TTC28: variants seen among roughly 807,000 people sequenced by gnomAD.
The protein encoded by TTC28 is tetratricopeptide repeat protein 28.
Under a neutral mutation model 198.0 loss-of-function variants are expected in TTC28, and 61 were observed. The observed-to-expected ratio is 0.31, with a 90% CI of 0.25 to 0.38. The LOEUF is 0.38. Ranked by LOEUF, TTC28 falls within the 10% of genes least tolerant of loss-of-function variation. The pLI, the probability that TTC28 is intolerant of heterozygous loss-of-function variation, is 1.00. For missense variants in TTC28, 2,678 were observed against 3,164.0 expected (o/e 0.85, Z 3.69); for synonymous variants, 1,171 against 1,297.8 (o/e 0.90, Z 2.10).
intron 2 of TTC28, among the ~76,000 whole-genome samples, chr22:28,362,157 T>C (rs1360407160): frequency 6.6e-6 from 1 of 152,194 alleles, no homozygotes; most frequent in African/African-American, 2.4e-5. Context: ...AAATCTCATC[T>C]TCAATTCTCA....
intron 1 of TTC28, among the ~76,000 whole-genome samples, chr22:28,644,667 A>T (rs1445727174): frequency 6.6e-6 from 1 of 151,852 alleles, no homozygotes; most frequent in Non-Finnish European, 1.5e-5. Context: ...TCTACTAAAA[A>T]TACAAAAATT....
chr22:28,390,850 G>A (rs1264598419), intron 2 of TTC28, among the ~76,000 whole-genome samples: 1 of 152,136 alleles, frequency 6.6e-6, no homozygotes, highest in Non-Finnish European at 1.5e-5. Context: ...TACATTTAAA[G>A]TTAATATTGT....
At chr22:28,067,648 C>T (rs1243645915) in intron 12 of TTC28, among the ~76,000 whole-genome samples, 1 of 152,106 alleles carries the variant, frequency 6.6e-6, no homozygotes, top group Non-Finnish European at 1.5e-5. Flanking sequence ...CTCATCACAG[C>T]CACTGGCACA....
intron 2 of TTC28, among the ~76,000 whole-genome samples, chr22:28,374,359 C>T (rs933840902): frequency 2.6e-5 from 4 of 152,012 alleles, no homozygotes; most frequent in Non-Finnish European, 4.4e-5. Flanking sequence ...GTAAATAATA[C>T]CTATATATTG....
intron 5 of TTC28, 35 bp from the exon 6 acceptor site, chr22:28,163,634 C>T (rs1466947818): frequency 6.8e-7 from 1 of 1,481,000 alleles, no homozygotes; most frequent in Non-Finnish European, 8.9e-7. Flanking sequence ...GAAATGAAAA[C>T]ACATCAGAAT....
chr22:28,569,022 C>G (rs1321117580), intron 2 of TTC28, among the ~76,000 whole-genome samples: 2 of 151,984 alleles, frequency 1.3e-5, no homozygotes, highest in African/African-American at 4.8e-5. Flanking sequence ...TGGCGCACAC[C>G]TGTAATCCCT....
chr22:28,079,586 G>A (rs1023107540), intron 12 of TTC28, among the ~76,000 whole-genome samples: 3 of 152,080 alleles, frequency 2.0e-5, no homozygotes, highest in Admixed American at 1.3e-4. Context: ...ATACCTTAAT[G>A]TGAAATAAGC....
chr22:28,219,024 C>T (rs1395689250), intron 5 of TTC28, among the ~76,000 whole-genome samples: 1 of 151,804 alleles, frequency 6.6e-6, no homozygotes, highest in East Asian at 1.9e-4. Flanking sequence ...TCATGGATTC[C>T]CTGAAAGGAT....
intron 12 of TTC28, among the ~76,000 whole-genome samples, chr22:28,092,840 C>G (rs987673733): frequency 3.9e-5 from 6 of 152,160 alleles, no homozygotes; most frequent in African/African-American, 1.4e-4. Flanking sequence ...TCAGGATGCA[C>G]AGCAGTCACA....
intron 2 of TTC28, among the ~76,000 whole-genome samples, chr22:28,421,082 C>A (rs2047245863): frequency 6.6e-6 from 1 of 152,150 alleles, no homozygotes; most frequent in African/African-American, 2.4e-5. Context: ...CCTTATTCTG[C>A]TATAGAGTTG....
chr22:28,187,455 A>G (rs767798515), intron 5 of TTC28, among the ~76,000 whole-genome samples: 1 of 152,206 alleles, frequency 6.6e-6, no homozygotes, highest in Non-Finnish European at 1.5e-5. Context: ...ACCAATGGTA[A>G]AAGGCAGAGG....
At chr22:28,253,032 T>C (rs747744932) in intron 5 of TTC28, among the ~76,000 whole-genome samples, 2 of 152,180 alleles carry the variant, frequency 1.3e-5, no homozygotes, top group Non-Finnish European at 2.9e-5. Context: ...TACACAGATA[T>C]TTCAGAGAAT....
chr22:28,090,565 A>T (rs1249697609), intron 12 of TTC28, among the ~76,000 whole-genome samples: 1 of 152,192 alleles, frequency 6.6e-6, no homozygotes, highest in Non-Finnish European at 1.5e-5. Context: ...TATAATAAAG[A>T]ATTTTGAGAC....
intron 2 of TTC28, among the ~76,000 whole-genome samples, chr22:28,561,140 C>A (rs2049870465): frequency 7.2e-6 from 1 of 139,422 alleles, no homozygotes; most frequent in South Asian, 2.3e-4. Flanking sequence ...GTGGCGCAAT[C>A]TAGGCTCACT....
chr22:28,192,228 C>A (rs1164942516), intron 5 of TTC28, among the ~76,000 whole-genome samples: 2 of 152,238 alleles, frequency 1.3e-5, no homozygotes, highest in East Asian at 3.9e-4. Flanking sequence ...AGCTGAGGGT[C>A]CTGACTGTCA....
chr22:28,603,882 T>C (rs374125895), intron 2 of TTC28, among the ~76,000 whole-genome samples: 4 of 152,326 alleles, frequency 2.6e-5, no homozygotes, highest in South Asian at 2.1e-4. Flanking sequence ...ATAAGAAGAA[T>C]GTTTCCATTT....
intron 2 of TTC28, among the ~76,000 whole-genome samples, chr22:28,379,064 C>A (rs2146019031): frequency 6.6e-6 from 1 of 152,156 alleles, no homozygotes; most frequent in Non-Finnish European, 1.5e-5. Context: ...TGACAGCTAA[C>A]TTCTCACTAG....
intron 2 of TTC28, among the ~76,000 whole-genome samples, chr22:28,575,799 T>G (rs1412107478): frequency 6.6e-6 from 1 of 152,194 alleles, no homozygotes; most frequent in Non-Finnish European, 1.5e-5. Flanking sequence ...TATTGCTTTT[T>G]CAGACTGTTT....
At position 28,030,306 on chromosome 22, in the gene TTC28, T is replaced by C. The variant is rs1939023395; in HGVS notation, c.3993A>G (p.Glu1331=). The C allele has an allele frequency of 6.4e-7, 1 of 1,551,700 alleles. No individual in the cohort carries two copies. Among genetic ancestry groups the C allele is most frequent in the Non-Finnish European group, 8.7e-7 (1 of 1,147,036 alleles). ...EAGDIMDQQF[E]EMNNKLNSVT... ...CCGAGTTGAGTTTGTTGTTCATCTC[T>C]TCAAATTGCTGGTCCATGATGTCTC... The change falls in exon 13 of 23, where the codon GAA becomes GAG. Residue 1331 remains glutamate, a synonymous_variant. Transcript: ENST00000397906.
Sources: allele counts gnomAD v4.1 joint callset (sites outside exome capture counted in the v4.1 genomes callset), GRCh38; gene constraint gnomAD v4.1.1; transcripts MANE v1.5; gene names NCBI Gene and HGNC (gene_info 2026-07-23, HGNC 2026-07-21).